Variants in RGS6 observed in about 807,000 individuals in gnomAD.
The protein encoded by RGS6 is regulator of G-protein signaling 6.
In RGS6, 30 loss-of-function variants were observed where a neutral mutation model predicts 78.5. The observed-to-expected ratio is 0.38, with a 90% CI of 0.29 to 0.52. RGS6 has a LOEUF of 0.52. RGS6 is among the 20% of genes least tolerant of loss of function. The pLI, the probability that RGS6 is intolerant of heterozygous loss-of-function variation, is 0.85. For synonymous variants in RGS6, 206 were observed against 206.0 expected (o/e 1.00, Z 0.00); for missense variants, 495 against 609.7 (o/e 0.81, Z 1.98).
the RGS6 span, among the ~76,000 whole-genome samples, chr14:72,593,710 T>C: frequency 8.5e-5 from 13 of 152,294 alleles, no homozygotes; most frequent in Admixed American, 5.2e-4. Context: ...TTATATCCAC[T>C]GTATAACTCT....
chr14:72,540,934 G>T (rs2097317220), intron 17 of RGS6: 1 of 985,262 alleles, frequency 1.0e-6, no homozygotes, highest in South Asian at 4.7e-5. Flanking sequence ...TGTTCCCTGG[G>T]GTGCATGGCT....
At chr14:72,629,019 A>T in the RGS6 span, among the ~76,000 whole-genome samples, 1 of 152,354 alleles carries the variant, frequency 6.6e-6, no homozygotes, top group East Asian at 1.9e-4. Context: ...CAATTCAAAT[A>T]AACAGGCTGT....
At chr14:72,537,370 C>T (rs1056341906) in intron 16 of RGS6, 8 of 648,914 alleles carry the variant, frequency 1.2e-5, no homozygotes, top group Non-Finnish European at 1.9e-5. Context: ...GACCACACAA[C>T]TCCAGAGTCC....
chr14:71,976,261 A>AT (rs1274332081), intron 2 of RGS6, among the ~76,000 whole-genome samples: 7 of 123,824 alleles, frequency 5.7e-5, no homozygotes, highest in African/African-American at 1.8e-4. Flanking sequence ...TTTATTTTTT[A>AT]TTTTTTTTAA....
At chr14:72,308,266 C>T (rs1024677917) in intron 2 of RGS6, among the ~76,000 whole-genome samples, 3 of 152,160 alleles carry the variant, frequency 2.0e-5, no homozygotes, top group African/African-American at 7.2e-5. Context: ...AGTTCCCCTA[C>T]CGCAAATATT....
intron 2 of RGS6, among the ~76,000 whole-genome samples, chr14:72,151,623 C>T (rs958358256): frequency 9.9e-5 from 15 of 152,258 alleles, no homozygotes; most frequent in East Asian, 3.9e-4. Context: ...TTACAGTTGA[C>T]GGGATGGCAT....
chr14:72,388,054 G>T (rs954710640), intron 3 of RGS6, among the ~76,000 whole-genome samples: 1 of 152,130 alleles, frequency 6.6e-6, no homozygotes, highest in African/African-American at 2.4e-5. Context: ...TCTAAATCCA[G>T]TCACATTCTG....
chr14:72,076,871 G>T (rs1412806753), intron 2 of RGS6, among the ~76,000 whole-genome samples: 2 of 150,692 alleles, frequency 1.3e-5, no homozygotes, highest in Non-Finnish European at 2.9e-5. Flanking sequence ...ATAAAATTTG[G>T]CTATCTATAG....
rs543266669 is a variant in RGS6, at chr14:72,541,312, G to A, written c.1422+1218G>A. On this transcript the variant is annotated intron_variant, in intron 17 of 17. Transcript: ENST00000553525. ...AAAGCAGCCTAGTCATTTACGTGTC[G>A]TAGCTAGATGCATTTTAAGTGCATT... is the stretch of plus-strand genomic sequence containing the variant. 178 of 862,204 alleles carry A rather than the reference G, an allele frequency of 2.1e-4. 2 individuals carry two copies. The highest frequency in any genetic ancestry group is 6.1e-4 in the East Asian group (5 of 8,166). The allele number at this position is 862,204 out of a possible 1,614,324, so 53.4% of individuals were successfully genotyped here. A position where few individuals can be genotyped will look rare whatever the true frequency, so the allele number is the denominator to read the frequency against.
chr14:72,151,888 A>G (rs576433828), intron 2 of RGS6, among the ~76,000 whole-genome samples: 49 of 152,264 alleles, frequency 3.2e-4, no homozygotes, highest in African/African-American at 1.2e-3. Flanking sequence ...CTATTTTAAA[A>G]ATAAACCTGT....
chr14:72,300,633 A>G (rs1397638461), intron 2 of RGS6, among the ~76,000 whole-genome samples: 4 of 152,218 alleles, frequency 2.6e-5, no homozygotes, highest in African/African-American at 9.7e-5. Flanking sequence ...ACGTCTCGAA[A>G]TGGCATTTCA....
chr14:71,998,862 C>T (rs8013467), intron 2 of RGS6, among the ~76,000 whole-genome samples: 111,317 of 152,096 alleles, frequency 0.73, 40,794 homozygotes, highest in East Asian at 0.78. Context: ...TCTCTGCAGC[C>T]TTGCCATTGA....
intron 2 of RGS6, among the ~76,000 whole-genome samples, chr14:72,116,172 T>G (rs2095879584): frequency 6.6e-6 from 1 of 152,128 alleles, no homozygotes; most frequent in South Asian, 2.1e-4. Context: ...GCAAATAATA[T>G]ACAAATATTG....
chr14:72,515,468 C>T (rs1805402836), intron 14 of RGS6, among the ~76,000 whole-genome samples: 1 of 152,194 alleles, frequency 6.6e-6, no homozygotes, highest in Admixed American at 6.5e-5. Context: ...GAGTTCAAGA[C>T]CAGCCTGGCC....
At chr14:72,167,603 A>G (rs2096946526) in intron 2 of RGS6, among the ~76,000 whole-genome samples, 1 of 152,232 alleles carries the variant, frequency 6.6e-6, no homozygotes, top group Non-Finnish European at 1.5e-5. Context: ...TGTGTGCCAG[A>G]TAATACTTTT....
chr14:72,141,229 T>C (rs1008597174), intron 2 of RGS6, among the ~76,000 whole-genome samples: 3 of 152,186 alleles, frequency 2.0e-5, no homozygotes, highest in African/African-American at 7.2e-5. Flanking sequence ...GGGAATAACA[T>C]CCAGCTACAG....
chr14:72,581,060 C>T, the RGS6 span, among the ~76,000 whole-genome samples: 1 of 152,202 alleles, frequency 6.6e-6, no homozygotes, highest in Admixed American at 6.5e-5. Flanking sequence ...ACCATCCCAT[C>T]CCTTTCAGGC....
At chr14:72,387,356 T>C (rs1480014363) in intron 3 of RGS6, among the ~76,000 whole-genome samples, 2 of 152,140 alleles carry the variant, frequency 1.3e-5, no homozygotes, top group African/African-American at 2.4e-5. Context: ...GAGACCATCC[T>C]GGCTAACACA....
At chr14:72,210,221 A>G (rs1319406541) in intron 2 of RGS6, among the ~76,000 whole-genome samples, 1 of 152,216 alleles carries the variant, frequency 6.6e-6, no homozygotes. Context: ...CAGATTGAGC[A>G]CACTATTCTT....
Sources: allele counts gnomAD v4.1 joint callset (sites outside exome capture counted in the v4.1 genomes callset), GRCh38; gene constraint gnomAD v4.1.1; transcripts MANE v1.5; gene names NCBI Gene and HGNC (gene_info 2026-07-23, HGNC 2026-07-21).